Variants in MAPKAP1 observed in about 807,000 individuals in gnomAD.
The protein encoded by MAPKAP1 is target of rapamycin complex 2 subunit MAPKAP1.
MAPKAP1 carries 20 observed loss-of-function variants against 65.7 expected under a neutral mutation model. That is an observed-to-expected ratio of 0.30 (90% CI 0.21 to 0.44). The LOEUF is 0.44. Ranked by LOEUF, MAPKAP1 falls within the 20% of genes least tolerant of loss-of-function variation. The pLI, the probability that MAPKAP1 is intolerant of heterozygous loss-of-function variation, is 1.00. For synonymous variants in MAPKAP1, 222 were observed against 244.3 expected (o/e 0.91, Z 0.85); for missense variants, 423 against 648.0 (o/e 0.65, Z 3.77).
At position 125,620,615 on chromosome 9, in the gene MAPKAP1, C is replaced by T. The variant is rs118084084; in HGVS notation, c.499-34888G>A. 3.2e-3 allele frequency among the ~76,000 whole-genome samples: 483 copies of T among 152,198 alleles called. 17 individuals carry two copies. In the East Asian group the frequency reaches 0.078, roughly 25 times the overall value. ...GATTAGAAACAAGTCAAGTCTTCACCGACAGAGAATTAGTTACATAAATTA... is the reference window on the plus strand; with the variant it reads ...GATTAGAAACAAGTCAAGTCTTCACTGACAGAGAATTAGTTACATAAATTA... On this transcript the variant is annotated intron_variant, in intron 4 of 11. Coordinates refer to ENST00000265960, the MANE Select transcript of MAPKAP1 (RefSeq NM_001006617.3).
At chr9:125,472,203 G>T (rs1031484697) in intron 9 of MAPKAP1, among the ~76,000 whole-genome samples, 1 of 152,282 alleles carries the variant, frequency 6.6e-6, no homozygotes, top group South Asian at 2.1e-4. Context: ...CCCAGGAGAG[G>T]GGAAGGTGCT....
intron 4 of MAPKAP1, among the ~76,000 whole-genome samples, chr9:125,589,551 T>C (rs142774425): frequency 8.5e-5 from 13 of 152,206 alleles, no homozygotes; most frequent in African/African-American, 2.6e-4. Flanking sequence ...ATGGATCCAT[T>C]TCCTGGTCAT....
chr9:125,490,265 C>T (rs544389835), intron 8 of MAPKAP1, among the ~76,000 whole-genome samples: 42 of 152,282 alleles, frequency 2.8e-4, no homozygotes, highest in Admixed American at 1.4e-3. Context: ...CTTGGCTGGG[C>T]GCAGTAGCTC....
chr9:125,554,049 T>G (rs1166918001), intron 6 of MAPKAP1, among the ~76,000 whole-genome samples: 2 of 152,020 alleles, frequency 1.3e-5, no homozygotes, highest in Non-Finnish European at 2.9e-5. Flanking sequence ...AAAAAAAGTT[T>G]GCCAACCCTA....
intron 1 of MAPKAP1, among the ~76,000 whole-genome samples, chr9:125,698,308 T>TA (rs1310650696): frequency 2.0e-5 from 1 of 50,020 alleles, no homozygotes; most frequent in Non-Finnish European, 3.9e-5. Context: ...TATATATATA[T>TA]ATATATATAT....
At chr9:125,597,651 G>C (rs1039839002) in intron 4 of MAPKAP1, among the ~76,000 whole-genome samples, 7 of 152,144 alleles carry the variant, frequency 4.6e-5, no homozygotes, top group Admixed American at 1.3e-4. Context: ...CAATTAAAGA[G>C]ACAAAAAGCA....
At chr9:125,581,671 A>G (rs1016105946) in intron 5 of MAPKAP1, among the ~76,000 whole-genome samples, 1 of 152,116 alleles carries the variant, frequency 6.6e-6, no homozygotes, top group Non-Finnish European at 1.5e-5. Flanking sequence ...TGCAGAGCAA[A>G]TATTTTTAAT....
intron 9 of MAPKAP1, among the ~76,000 whole-genome samples, chr9:125,483,895 A>T (rs1299778072): frequency 6.6e-6 from 1 of 152,206 alleles, no homozygotes; most frequent in East Asian, 1.9e-4. Flanking sequence ...GATAATGATG[A>T]TGTATTAATA....
chr9:125,655,859 T>C (rs1246288096), intron 4 of MAPKAP1, among the ~76,000 whole-genome samples: 1 of 152,172 alleles, frequency 6.6e-6, no homozygotes, highest in Non-Finnish European at 1.5e-5. Context: ...GACAAAAGCA[T>C]TGAGAGCCTT....
chr9:125,438,015 T>G lies in MAPKAP1; in HGVS notation c.*872A>C. On this transcript the variant is annotated 3_prime_UTR_variant, in exon 12 of 12. Transcript: ENST00000265960. ...CTGTAAGGAGAAGAGGAATGGGGAA[T>G]GTGGCCCCTTCCAAGGCAGCGAAGC... 4.8e-6 allele frequency: 1 copy of G among 207,554 alleles called. No individual in the cohort carries two copies. Among genetic ancestry groups the G allele is most frequent in the Non-Finnish European group, 9.6e-6 (1 of 104,678 alleles). 12.9% of individuals were successfully genotyped at this position (207,554 alleles called of 1,614,324 possible).
intron 10 of MAPKAP1, among the ~76,000 whole-genome samples, chr9:125,459,213 G>C (rs1199843871): frequency 6.7e-6 from 1 of 149,560 alleles, no homozygotes; most frequent in Non-Finnish European, 1.5e-5. Flanking sequence ...CATCTCAGAC[G>C]ATGGGCGGCG....
chr9:125,461,553 AG>A (rs1285575464), intron 10 of MAPKAP1, among the ~76,000 whole-genome samples: 1 of 152,208 alleles, frequency 6.6e-6, no homozygotes, highest in African/African-American at 2.4e-5. Flanking sequence ...TTCCTTTGAC[AG>A]GATAGATGAA....
chr9:125,678,096 T>C (rs1834705859), intron 1 of MAPKAP1, among the ~76,000 whole-genome samples: 1 of 152,082 alleles, frequency 6.6e-6, no homozygotes, highest in African/African-American at 2.4e-5. Flanking sequence ...TTTTGTATTT[T>C]TTGTAGAGAT....
At chr9:125,622,990 G>T (rs1832955433) in intron 4 of MAPKAP1, among the ~76,000 whole-genome samples, 1 of 152,076 alleles carries the variant, frequency 6.6e-6, no homozygotes, top group Admixed American at 6.5e-5. Flanking sequence ...TGGAGACGGG[G>T]TTTCGCTGTG....
rs561311629 is a variant in MAPKAP1, at chr9:125,542,992, A to C, written c.958+67T>G. 5.8e-6 allele frequency: 6 copies of C among 1,035,418 alleles called. No individual in the cohort carries two copies. The East Asian group carries it at 1.4e-4, about 25-fold the overall frequency. The allele number at this position is 1,035,418 out of a possible 1,614,324, so 64.1% of individuals were successfully genotyped here. A position where few individuals can be genotyped will look rare whatever the true frequency, so the allele number is the denominator to read the frequency against. On this transcript the variant is annotated intron_variant, in intron 7 of 11. Coordinates refer to ENST00000265960, the MANE Select transcript of MAPKAP1 (RefSeq NM_001006617.3). ...ATCTAGCCAGCCATCACACACACAC[A>C]CCCCCTATGCCCTTTTAATAAGGGT...
chr9:125,619,717 C>T (rs1211838950), intron 4 of MAPKAP1, among the ~76,000 whole-genome samples: 1 of 151,398 alleles, frequency 6.6e-6, no homozygotes, highest in Non-Finnish European at 1.5e-5. Context: ...CTATGCAAGA[C>T]ATTTGAAAAA....
intron 1 of MAPKAP1, among the ~76,000 whole-genome samples, chr9:125,683,896 G>A (rs955769838): frequency 6.6e-6 from 1 of 152,128 alleles, no homozygotes; most frequent in Non-Finnish European, 1.5e-5. Context: ...TCCCCATCTT[G>A]CAACTTCCAG....
intron 9 of MAPKAP1, among the ~76,000 whole-genome samples, chr9:125,481,358 C>T (rs886827059): frequency 1.3e-5 from 2 of 152,116 alleles, no homozygotes; most frequent in African/African-American, 4.8e-5. Flanking sequence ...GATGGATTTG[C>T]TGATGATGCT....
chr9:125,682,194 C>A (rs936080848), intron 1 of MAPKAP1, among the ~76,000 whole-genome samples: 23 of 152,162 alleles, frequency 1.5e-4, no homozygotes, highest in Middle Eastern at 3.2e-3. Context: ...ACTCTCTTAA[C>A]CTCAGTTTGA....
Sources: allele counts gnomAD v4.1 joint callset (sites outside exome capture counted in the v4.1 genomes callset), GRCh38; gene constraint gnomAD v4.1.1; transcripts MANE v1.5; gene names NCBI Gene and HGNC (gene_info 2026-07-23, HGNC 2026-07-21).